The following TBC1D5 variants were observed in gnomAD, a reference collection of about 807,000 sequenced individuals.
TBC1D5 encodes the protein TBC1 domain family, member 5.
Under a neutral mutation model 100.3 loss-of-function variants are expected in TBC1D5, and 75 were observed. The ratio of observed to expected loss-of-function variants is 0.75; its 90% CI spans 0.62 to 0.91. TBC1D5 has a LOEUF of 0.91. Among genes scored for constraint, TBC1D5 ranks in the 40% least tolerant of loss-of-function variants. The pLI, the probability that TBC1D5 is intolerant of heterozygous loss-of-function variation, is 0.00. For synonymous variants in TBC1D5, 323 were observed against 325.6 expected (o/e 0.99, Z 0.09); for missense variants, 910 against 942.4 (o/e 0.97, Z 0.45).
chr3:17,619,250 G>A (rs967405097), intron 2 of TBC1D5, among the ~76,000 whole-genome samples: 12 of 152,062 alleles, frequency 7.9e-5, no homozygotes, highest in East Asian at 1.9e-4. Flanking sequence ...AGCTTTTTAC[G>A]GAGTTAGACA....
At chr3:17,370,508 C>G (rs767251401) in intron 13 of TBC1D5, among the ~76,000 whole-genome samples, 1 of 152,146 alleles carries the variant, frequency 6.6e-6, no homozygotes, top group African/African-American at 2.4e-5. Context: ...TCATTAATAA[C>G]CTGCATTGCT....
At chr3:17,534,895 G>A (rs921763331) in intron 2 of TBC1D5, among the ~76,000 whole-genome samples, 2 of 152,140 alleles carry the variant, frequency 1.3e-5, no homozygotes, top group East Asian at 1.9e-4. Context: ...AAGACCCAGG[G>A]TGGTTGTTTT....
chr3:17,487,750 T>C (rs553685147), intron 3 of TBC1D5, among the ~76,000 whole-genome samples: 20 of 152,300 alleles, frequency 1.3e-4, no homozygotes, highest in Admixed American at 2.6e-4. Flanking sequence ...GGAAAAGTTA[T>C]GGTACCATCT....
At chr3:17,706,292 G>A (rs1577668944) in intron 1 of TBC1D5, 9 of 1,535,778 alleles carry the variant, frequency 5.9e-6, no homozygotes, top group Non-Finnish European at 7.9e-6. Context: ...GAACTAGAGG[G>A]TCTCACCTTT....
At chr3:17,265,258 A>C (rs1186934656) in intron 15 of TBC1D5, among the ~76,000 whole-genome samples, 1 of 111,122 alleles carries the variant, frequency 9.0e-6, no homozygotes, top group Middle Eastern at 4.4e-3. Flanking sequence ...TTAAACTGAC[A>C]AATTCTATAG....
At chr3:17,546,783 C>CAAAA (rs758349149) in intron 2 of TBC1D5, among the ~76,000 whole-genome samples, 3 of 70,178 alleles carry the variant, frequency 4.3e-5, no homozygotes, top group Non-Finnish European at 5.7e-5. Flanking sequence ...GACTCCATCT[C>CAAAA]AAAAAAAAAA....
intron 2 of TBC1D5, among the ~76,000 whole-genome samples, chr3:17,544,661 A>AAAAAAAAAAAAAAAAAAAAAC (rs2096396684): frequency 6.6e-6 from 1 of 152,122 alleles, no homozygotes; most frequent in African/African-American, 2.4e-5. Context: ...AAAAAAAAAA[A>AAAAAAAAAAAAAAAAAAAAAC]AAAAAAGCAC....
chr3:17,383,184 TTTAAG>T (rs2093019217), intron 9 of TBC1D5, among the ~76,000 whole-genome samples: 1 of 151,908 alleles, frequency 6.6e-6, no homozygotes, highest in South Asian at 2.1e-4. Flanking sequence ...TTATATTAAA[TTTAAG>T]TTCAGTGGTC....
intron 10 of TBC1D5, among the ~76,000 whole-genome samples, chr3:17,375,867 T>C (rs916425526): frequency 2.6e-5 from 4 of 152,154 alleles, no homozygotes; most frequent in African/African-American, 7.2e-5. Flanking sequence ...TTACTGCATA[T>C]AGATGCGCTG....
At chr3:17,202,823 C>T (rs1242891113) in intron 18 of TBC1D5, among the ~76,000 whole-genome samples, 3 of 152,184 alleles carry the variant, frequency 2.0e-5, no homozygotes, top group Admixed American at 6.5e-5. Flanking sequence ...GGAACCTCCA[C>T]CTAGATTTCA....
At chr3:17,220,237 T>G (rs1054587446) in intron 17 of TBC1D5, among the ~76,000 whole-genome samples, 1 of 152,154 alleles carries the variant, frequency 6.6e-6, no homozygotes, top group Non-Finnish European at 1.5e-5. Flanking sequence ...TAATTCCAAA[T>G]TGCCTTAAGA....
intron 2 of TBC1D5, among the ~76,000 whole-genome samples, chr3:17,582,452 A>G (rs1198770842): frequency 1.3e-5 from 2 of 152,202 alleles, no homozygotes; most frequent in Non-Finnish European, 2.9e-5. Flanking sequence ...TTGTAGTTAA[A>G]GGAATCTATG....
intron 15 of TBC1D5, among the ~76,000 whole-genome samples, chr3:17,283,712 C>T (rs909675001): frequency 6.6e-6 from 1 of 151,730 alleles, no homozygotes; most frequent in Non-Finnish European, 1.5e-5. Flanking sequence ...CCGAGAATCC[C>T]GTAATCTTTC....
At chr3:17,703,763 T>C (rs2073541435) in intron 1 of TBC1D5, among the ~76,000 whole-genome samples, 1 of 152,144 alleles carries the variant, frequency 6.6e-6, no homozygotes, top group Non-Finnish European at 1.5e-5. Flanking sequence ...AGTCTGGGAA[T>C]AGAACCCAAA....
chr3:17,229,206 G>A (rs765514006), intron 17 of TBC1D5, among the ~76,000 whole-genome samples: 2 of 152,110 alleles, frequency 1.3e-5, no homozygotes, highest in African/African-American at 2.4e-5. Flanking sequence ...TGTGGCCACA[G>A]AAAGGGGATA....
At chr3:17,243,676 C>A (rs535254594) in intron 16 of TBC1D5, among the ~76,000 whole-genome samples, 1 of 151,792 alleles carries the variant, frequency 6.6e-6, no homozygotes, top group Non-Finnish European at 1.5e-5. Flanking sequence ...ACATACAGAA[C>A]AAGAAGGCAT....
exon 22 of TBC1D5, chr3:17,160,998 A>C: frequency 6.2e-7 from 1 of 1,614,190 alleles, no homozygotes; most frequent in Non-Finnish European, 8.5e-7. Flanking sequence ...GTGAAGCCAG[A>C]GTCCTTGCTG....
At chr3:17,189,600 G>A (rs1040326558) in intron 18 of TBC1D5, among the ~76,000 whole-genome samples, 3 of 152,264 alleles carry the variant, frequency 2.0e-5, no homozygotes, top group African/African-American at 7.2e-5. Context: ...AAACTTCTGA[G>A]GTATATTCTC....
At chr3:17,629,489 CTG>C (rs755201743) in intron 1 of TBC1D5, among the ~76,000 whole-genome samples, 97 of 152,288 alleles carry the variant, frequency 6.4e-4, no homozygotes, top group Admixed American at 2.2e-3. Flanking sequence ...GGAAAAAAGT[CTG>C]TCTTAATTCC....
Sources: allele counts gnomAD v4.1 joint callset (sites outside exome capture counted in the v4.1 genomes callset), GRCh38; gene constraint gnomAD v4.1.1; transcripts MANE v1.5; gene names NCBI Gene and HGNC (gene_info 2026-07-23, HGNC 2026-07-21).